The following FRMD4A variants were observed in gnomAD, a reference collection of about 807,000 sequenced individuals.
FRMD4A encodes FERM domain containing 4A.
FRMD4A carries 29 observed loss-of-function variants against 129.1 expected under a neutral mutation model. That is an observed-to-expected ratio of 0.22 (90% CI 0.17 to 0.31). The LOEUF is 0.31. Ranked by LOEUF, FRMD4A falls within the 10% of genes least tolerant of loss-of-function variation. The pLI is 1.00. For missense variants in FRMD4A, 1,272 were observed against 1,375.8 expected, an observed-to-expected ratio of 0.92 and a Z score of 1.19; for synonymous variants, 634 against 571.6, an observed-to-expected ratio of 1.11 and a Z score of -1.56.
At chr10:14,310,140 G>A (rs1384949607) in intron 2 of FRMD4A, among the ~76,000 whole-genome samples, 2 of 150,458 alleles carry the variant, frequency 1.3e-5, no homozygotes, top group African/African-American at 2.5e-5. Context: ...GCTGGGATCT[G>A]CCTCGGCTTT....
chr10:14,157,003 G>A (rs933530050), intron 2 of FRMD4A, among the ~76,000 whole-genome samples: 1 of 152,158 alleles, frequency 6.6e-6, no homozygotes, highest in Non-Finnish European at 1.5e-5. Flanking sequence ...TGGTTCCCTT[G>A]TTTGATAAAG....
chr10:13,990,856 C>A (rs962677967), intron 2 of FRMD4A, among the ~76,000 whole-genome samples: 2 of 152,290 alleles, frequency 1.3e-5, no homozygotes, highest in African/African-American at 4.8e-5. Context: ...TCCCATTTTT[C>A]TTTCCATGAA....
At chr10:13,748,351 T>A (rs1443203837) in intron 8 of FRMD4A, among the ~76,000 whole-genome samples, 1 of 152,190 alleles carries the variant, frequency 6.6e-6, no homozygotes, top group Non-Finnish European at 1.5e-5. Flanking sequence ...GACAAATAAA[T>A]ACTGATGGAG....
At chr10:13,718,060 C>A (rs1049046573) in intron 12 of FRMD4A, among the ~76,000 whole-genome samples, 7 of 152,218 alleles carry the variant, frequency 4.6e-5, no homozygotes, top group African/African-American at 1.7e-4. Context: ...AGCTTGTTTG[C>A]ACTTTGGAAC....
At chr10:14,330,267 G>A in intron 1 of FRMD4A, 84 bp from the exon 2 acceptor site, 1 of 657,110 alleles carries the variant, frequency 1.5e-6, no homozygotes, top group South Asian at 1.8e-5. Context: ...AGGGTGGGGA[G>A]GAGGTCAGGG....
At chr10:13,722,281 G>A (rs938901335) in intron 12 of FRMD4A, among the ~76,000 whole-genome samples, 1 of 148,862 alleles carries the variant, frequency 6.7e-6, no homozygotes, top group Admixed American at 6.8e-5. Context: ...GCCCAGGCTG[G>A]AGTGCAGTGA....
At chr10:14,253,338 C>T (rs1844502640) in intron 2 of FRMD4A, among the ~76,000 whole-genome samples, 1 of 152,170 alleles carries the variant, frequency 6.6e-6, no homozygotes. Context: ...GGTTTTATCC[C>T]CATATTTTGC....
intron 2 of FRMD4A, among the ~76,000 whole-genome samples, chr10:13,875,076 G>C (rs188600556): frequency 1.2e-3 from 189 of 152,286 alleles, no homozygotes; most frequent in Non-Finnish European, 1.8e-3. Context: ...GGTAAGAAGG[G>C]ATGAAATGGG....
intron 2 of FRMD4A, among the ~76,000 whole-genome samples, chr10:14,134,786 G>A (rs1030812879): frequency 2.0e-5 from 3 of 152,128 alleles, no homozygotes; most frequent in Admixed American, 2.0e-4. Context: ...AATGAAGTTG[G>A]GAGGTGTGGA....
At chr10:14,002,603 G>A (rs1437935523) in intron 2 of FRMD4A, among the ~76,000 whole-genome samples, 3 of 152,174 alleles carry the variant, frequency 2.0e-5, no homozygotes, top group African/African-American at 7.2e-5. Flanking sequence ...TATGAACCAG[G>A]AACCCAGGGG....
At chr10:13,649,957 A>T (rs1315489383) in intron 24 of FRMD4A, among the ~76,000 whole-genome samples, 3 of 152,232 alleles carry the variant, frequency 2.0e-5, no homozygotes, top group Non-Finnish European at 4.4e-5. Flanking sequence ...TGTGACCCAG[A>T]AGAGCAGCTT....
chr10:13,802,980 T>G (rs576174309), intron 4 of FRMD4A, among the ~76,000 whole-genome samples: 3 of 152,042 alleles, frequency 2.0e-5, no homozygotes, highest in Non-Finnish European at 4.4e-5. Flanking sequence ...AAACCCCGTC[T>G]CTACTAAAAA....
At chr10:13,875,030 G>A (rs1172348042) in intron 2 of FRMD4A, among the ~76,000 whole-genome samples, 2 of 152,126 alleles carry the variant, frequency 1.3e-5, no homozygotes, top group Non-Finnish European at 2.9e-5. Flanking sequence ...CAATACCCCA[G>A]GGAAGGAGTG....
intron 2 of FRMD4A, among the ~76,000 whole-genome samples, chr10:13,949,028 G>A (rs928234925): frequency 3.3e-5 from 5 of 151,984 alleles, no homozygotes; most frequent in African/African-American, 1.2e-4. Context: ...TCATGTTCAA[G>A]CTACCTAAAG....
intron 2 of FRMD4A, among the ~76,000 whole-genome samples, chr10:13,984,357 C>T (rs902009679): frequency 6.6e-6 from 1 of 152,160 alleles, no homozygotes; most frequent in Admixed American, 6.5e-5. Context: ...CCTTTCAGTT[C>T]CAGATACTGA....
chr10:13,961,792 A>T (rs1263670199), intron 2 of FRMD4A, among the ~76,000 whole-genome samples: 1 of 152,178 alleles, frequency 6.6e-6, no homozygotes, highest in Non-Finnish European at 1.5e-5. Context: ...TGCTGAGTAA[A>T]TGATGTTAGA....
intron 19 of FRMD4A, among the ~76,000 whole-genome samples, chr10:13,662,255 G>C (rs2082692032): frequency 6.6e-6 from 1 of 152,128 alleles, no homozygotes; most frequent in African/African-American, 2.4e-5. Context: ...TAATGAAGCA[G>C]ACAAATATAT....
At position 14,287,869 on chromosome 10, in the gene FRMD4A, G is replaced by A. The variant is rs535747058; in HGVS notation, c.45+42189C>T. Among the ~76,000 whole-genome samples, 272 of 152,060 alleles carry A rather than the reference G, an allele frequency of 1.8e-3. 1 individual carries two copies. The highest frequency in any genetic ancestry group is 5.7e-3 in the African/African-American group (237 of 41,478). Reference sequence around the variant, plus strand: ...CAAGTGCCAGTTTTGAGATAAATAGGATGTTAAAACCATAATTCTTTAACT... The same window carrying A: ...CAAGTGCCAGTTTTGAGATAAATAGAATGTTAAAACCATAATTCTTTAACT... On this transcript the variant is annotated intron_variant, in intron 2 of 24. Coordinates refer to ENST00000357447, the MANE Select transcript of FRMD4A (RefSeq NM_018027.5).
chr10:13,962,038 C>CGAATGAATGAAT lies in FRMD4A; in HGVS notation c.46-103138_46-103127dup, dbSNP rs57314404. 8.2e-4 allele frequency among the ~76,000 whole-genome samples: 106 copies of CGAATGAATGAAT among 128,520 alleles called. 1 individual carries two copies. The highest frequency in any genetic ancestry group is 6.1e-3 in the South Asian group (25 of 4,108). 84.3% of individuals were successfully genotyped at this position (128,520 alleles called of 152,430 possible). A position where few individuals can be genotyped will look rare whatever the true frequency, so the allele number is the denominator to read the frequency against. Reference sequence around the variant, plus strand: ...TGTTAGATAAATGAACAAAAACACACGAATGAATGAATGAATGAATGAATG... The same window carrying CGAATGAATGAAT: ...TGTTAGATAAATGAACAAAAACACACGAATGAATGAATGAATGAATGAATGAATGAATGAATG... On this transcript the variant is annotated intron_variant, in intron 2 of 24. Transcript: ENST00000357447.
Sources: gnomAD v4.1 joint callset for allele counts (sites outside exome capture counted in the v4.1 genomes callset) on GRCh38, gnomAD v4.1.1 for gene constraint, MANE v1.5 for transcripts, NCBI Gene and HGNC (gene_info 2026-07-23, HGNC 2026-07-21) for gene names.